The following IL15RA variants were observed in gnomAD, a reference collection of about 807,000 sequenced individuals.
IL15RA encodes the protein interleukin-15 receptor subunit alpha.
In IL15RA, 26 loss-of-function variants were observed where a neutral mutation model predicts 24.2. That is an observed-to-expected ratio of 1.07 (90% confidence interval 0.79 to 1.49). The LOEUF is 1.49. Ranked by LOEUF, IL15RA falls within the 40% of genes most tolerant of loss-of-function variation. The pLI, the probability that IL15RA is intolerant of heterozygous loss-of-function variation, is 0.00. For synonymous variants in IL15RA, 166 were observed against 157.6 expected (o/e 1.05, Z -0.40); for missense variants, 354 against 356.4 (o/e 0.99, Z 0.05).
At chr10:5,969,062 C>G in intron 1 of IL15RA, 10 of 1,166,210 alleles carry the variant, frequency 8.6e-6, no homozygotes, top group Non-Finnish European at 1.2e-5. Flanking sequence ...CCAATCGATT[C>G]CATCGATCTA....
rs1165082347 is a variant in IL15RA, at chr10:5,971,334, A to G, written c.89-4995T>C. ...CTGAAGTAGCCAAAAAACATATACA[A>G]CAAGTCCTAACGATCATTTAAATGA... On this transcript the variant is annotated intron_variant, in intron 1 of 6. Transcript: ENST00000379977. This position sits in a 1 kb window ranked among gnomAD's most constrained non-coding sequence, Gnocchi z 5.5. Among the ~76,000 whole-genome samples, 1 of 152,244 alleles carries G rather than the reference A, an allele frequency of 6.6e-6. No individual in the cohort carries two copies. Among genetic ancestry groups the G allele is most frequent in the Non-Finnish European group, 1.5e-5 (1 of 68,048 alleles).
chr10:5,960,311 G>T lies in IL15RA; in HGVS notation c.583+56C>A. 1.4e-6 allele frequency: 2 copies of T among 1,467,218 alleles called. No individual in the cohort carries two copies. Among genetic ancestry groups the T allele is most frequent in the Non-Finnish European group, 1.9e-6 (2 of 1,047,468 alleles). The allele number at this position is 1,467,218 out of a possible 1,614,324, so 90.9% of individuals were successfully genotyped here. ...CTGCCTTGTGCCGGATCTCAGCCCC[G>T]ATCTCAGAAGCAGCAATGGGGAACT... On this transcript the variant is annotated intron_variant, in intron 4 of 6. Transcript: ENST00000379977. This position sits in a 1 kb window ranked among gnomAD's most constrained non-coding sequence, Gnocchi z 5.1.
chr10:5,967,808 G>A lies in IL15RA; in HGVS notation c.89-1469C>T, dbSNP rs977929434. On this transcript the variant is annotated intron_variant, in intron 1 of 6. Transcript: ENST00000379977. This position sits in a 1 kb window ranked among gnomAD's most constrained non-coding sequence, Gnocchi z 4.4. ...GTGCGGTAGCTCACGCCTGTAATCC[G>A]AGGACTTTGGGAGGCTGAGGCAGGC... is the stretch of plus-strand genomic sequence containing the variant. Among the ~76,000 whole-genome samples, 16 of 152,070 alleles carry A rather than the reference G, an allele frequency of 1.1e-4. No individual in the cohort carries two copies. The highest frequency in any genetic ancestry group is 2.1e-4 in the Non-Finnish European group (14 of 67,992).
Position 5,953,185 on chromosome 10 carries a change from G to A in IL15RA, c.714C>T (p.Ser238=), listed in dbSNP as rs770747669. 6.2e-7 allele frequency: 1 copy of A among 1,614,112 alleles called. No homozygotes were observed. The highest frequency in any genetic ancestry group is 8.5e-7 in the Non-Finnish European group (1 of 1,179,940). The change falls in exon 7 of 7, where the codon AGC becomes AGT. Residue 238 remains serine (S), a synonymous_variant. Coordinates refer to ENST00000379977, the MANE Select transcript of IL15RA (RefSeq NM_002189.4). The surrounding 1 kb of genome is among the most constrained non-coding windows in gnomAD (Gnocchi z 5.3). ...LKSRQTPPLA[S]VEMEAMEALP... Reference sequence around the variant, plus strand: ...GAGCCTCCATGGCTTCCATTTCAACGCTGGCCAGCGGGGGAGTTTGCCTGC... The same window carrying A: ...GAGCCTCCATGGCTTCCATTTCAACACTGGCCAGCGGGGGAGTTTGCCTGC...
At chr10:5,949,953 A>G (rs995573650), downstream of IL15RA, among the ~76,000 whole-genome samples, 2 of 152,064 alleles carry the variant, frequency 1.3e-5, no homozygotes, top group East Asian at 1.9e-4. The surrounding 1 kb of genome is among the most constrained non-coding windows in gnomAD (Gnocchi z 4.4). Context: ...AAAATTAGCC[A>G]GGTGTGGTGG....
At chr10:5,950,106 T>G (rs1014750694), downstream of IL15RA, among the ~76,000 whole-genome samples, 4 of 134,900 alleles carry the variant, frequency 3.0e-5, no homozygotes, top group African/African-American at 8.6e-5. This position sits in a 1 kb window ranked among gnomAD's most constrained non-coding sequence, Gnocchi z 5.6. Context: ...AAAAAAAAAG[T>G]CTTATTTCTT....
rs763575894 is a variant in IL15RA at position 5,960,538 on chromosome 10, T to C, written c.412A>G (p.Asn138Asp). The C allele has an allele frequency of 9.3e-6, 15 of 1,614,124 alleles. 1 individual carries two copies. In the South Asian group the frequency reaches 1.6e-4, roughly 18 times the overall value. Residue 138 changes from asparagine to aspartate, a missense_variant, in exon 4 of 7, where the codon AAC (asparagine) becomes GAC (aspartate). Physicochemically the swap from Asn to Asp is conservative, Grantham distance 23 (BLOSUM62 1). Transcript: ENST00000379977. This position sits in a 1 kb window ranked among gnomAD's most constrained non-coding sequence, Gnocchi z 5.1. ...EPAASSPSSNNTAATTAAIVP... is the reference protein window; with the variant it reads ...EPAASSPSSNDTAATTAAIVP... ...ATAGCTGCTGTTGTGGCCGCTGTGTTGTTTGAGCTGGGAGATGAAGCTGCG... is the reference window on the plus strand; with the variant it reads ...ATAGCTGCTGTTGTGGCCGCTGTGTCGTTTGAGCTGGGAGATGAAGCTGCG...
Position 5,956,400 on chromosome 10 carries a change from A to G in IL15RA, c.671T>C (p.Leu224Pro). The stretch of plus-strand genomic sequence containing the variant: ...TCACCTTGACTTGAGGTAGCATGCC[A>G]GGAGAGACACAGCGCTCAGCCCACA... ...LLCGLSAVSLLACYLKSRQTP... is the reference protein window; with the variant it reads ...LLCGLSAVSLPACYLKSRQTP... The change falls in exon 6 of 7, where the codon CTG (leucine) becomes CCG (proline). Residue 224 changes from leucine to proline, a missense_variant. Coordinates refer to ENST00000379977, the MANE Select transcript of IL15RA (RefSeq NM_002189.4). 1.2e-6 allele frequency: 2 copies of G among 1,613,992 alleles called. No homozygotes were observed. The highest frequency in any genetic ancestry group is 1.7e-6 in the Non-Finnish European group (2 of 1,179,868).
downstream of IL15RA, chr10:5,949,020 G>A (rs1408008323): frequency 3.0e-6 from 1 of 335,974 alleles, no homozygotes; most frequent in Non-Finnish European, 6.0e-6. The surrounding 1 kb of genome is among the most constrained non-coding windows in gnomAD (Gnocchi z 4.4). Flanking sequence ...AAATGGCGCT[G>A]AGATGAGTTT....
Position 5,960,486 on chromosome 10 carries a change from G to A in IL15RA, c.464C>T (p.Ser155Leu). The change falls in exon 4 of 7, where the codon TCA (serine) becomes TTA (leucine). Residue 155 changes from serine to leucine, a missense_variant. By Grantham distance (145) the Ser-to-Leu change is moderately radical (BLOSUM62 -2). Transcript: ENST00000379977. The surrounding 1 kb of genome is among the most constrained non-coding windows in gnomAD (Gnocchi z 5.1). ...AIVPGSQLMP[S>L]KSPSTGTTEI... Reference sequence around the variant, plus strand: ...TGTGGTTCCTGTGGAAGGTGATTTTGAAGGCATCAGCTGGGAGCCCGGGAC... The same window carrying A: ...TGTGGTTCCTGTGGAAGGTGATTTTAAAGGCATCAGCTGGGAGCCCGGGAC... 1 of 1,614,184 alleles carries A rather than the reference G, an allele frequency of 6.2e-7. No individual in the cohort carries two copies.
Position 5,953,814 on chromosome 10 carries a change from C to T in IL15RA, c.693-608G>A, listed in dbSNP as rs1371670664. 2.4e-5 allele frequency: 4 copies of T among 165,120 alleles called. No homozygotes were observed. The highest frequency in any genetic ancestry group is 5.7e-5 in the Admixed American group (1 of 17,566). The allele number at this position is 165,120 out of a possible 1,614,324, so 10.2% of individuals were successfully genotyped here. A position where few individuals can be genotyped will look rare whatever the true frequency, so the allele number is the denominator to read the frequency against. On this transcript the variant is annotated intron_variant, in intron 6 of 6. Coordinates refer to ENST00000379977, the MANE Select transcript of IL15RA (RefSeq NM_002189.4). This position sits in a 1 kb window ranked among gnomAD's most constrained non-coding sequence, Gnocchi z 5.3. ...AGAAATACACAAATCAATCAGCTCC[C>T]GAATGACAAGCACAGGCGAGGCAGG...
upstream of IL15RA, among the ~76,000 whole-genome samples, chr10:5,978,391 G>C (rs767951): frequency 1.3e-5 from 2 of 152,280 alleles, no homozygotes; most frequent in African/African-American, 4.8e-5. The surrounding 1 kb of genome is among the most constrained non-coding windows in gnomAD (Gnocchi z 5.2). Flanking sequence ...CCCAAGTGCA[G>C]ATTCTCAGGT....
intron 1 of IL15RA, among the ~76,000 whole-genome samples, chr10:5,976,285 A>AGGGGGGGGGGGG (rs1564525046): frequency 6.9e-6 from 1 of 144,152 alleles, no homozygotes; most frequent in Non-Finnish European, 1.5e-5. Flanking sequence ...TGGGGGTGGC[A>AGGGGGGGGGGGG]GAGGGTGGGG....
In IL15RA at chr10:5,961,061, T is replaced by C. The variant is rs1470507488; in HGVS notation, c.383-494A>G. 6.6e-6 allele frequency among the ~76,000 whole-genome samples: 1 copy of C among 152,090 alleles called. No homozygotes were observed. Among genetic ancestry groups the C allele is most frequent in the Non-Finnish European group, 1.5e-5 (1 of 68,006 alleles). ...TCCCAAGTAGCTGGAATTACAGGTG[T>C]CCACCACCACGCCCAGCTAATTTTT... On this transcript the variant is annotated intron_variant, in intron 3 of 6. Coordinates refer to ENST00000379977, the MANE Select transcript of IL15RA (RefSeq NM_002189.4). The surrounding 1 kb of genome is among the most constrained non-coding windows in gnomAD (Gnocchi z 5.2).
intron 5 of IL15RA, among the ~76,000 whole-genome samples, chr10:5,957,516 C>T (rs529246577): frequency 5.3e-5 from 8 of 151,676 alleles, no homozygotes; most frequent in Middle Eastern, 3.4e-3. Context: ...CCTCGTGATC[C>T]GCCTGCCTTA....
In IL15RA at chr10:5,961,753, G is replaced by A. The variant is rs8177783; in HGVS notation, c.383-1186C>T. ...GTGCTGTTCCCTCTCCATGAAAAAT[G>A]TGTCTTCCATTGTGACAGCCACGGA... On this transcript the variant is annotated intron_variant, in intron 3 of 6. Coordinates refer to ENST00000379977, the MANE Select transcript of IL15RA (RefSeq NM_002189.4). This position sits in a 1 kb window ranked among gnomAD's most constrained non-coding sequence, Gnocchi z 5.2. Among the ~76,000 whole-genome samples the A allele has an allele frequency of 0.015, 2,209 of 152,328 alleles. 46 individuals are homozygous for A. Among genetic ancestry groups the A allele is most frequent in the East Asian group, 0.077 (397 of 5,176 alleles).
intron 1 of IL15RA, among the ~76,000 whole-genome samples, chr10:5,976,649 G>A (rs1175021663): frequency 6.6e-6 from 1 of 152,018 alleles, no homozygotes; most frequent in African/African-American, 2.4e-5. Context: ...CTGGCTGCCG[G>A]GACAAAACCC....
chr10:5,959,738 A>G lies in IL15RA; in HGVS notation c.616+16T>C, dbSNP rs780252794. 4 of 1,612,840 alleles carry G rather than the reference A, an allele frequency of 2.5e-6. No individual in the cohort carries two copies. The African/African-American group carries it at 4.0e-5, about 16-fold the overall frequency. On this transcript the variant is annotated intron_variant, in intron 5 of 6. Transcript: ENST00000379977. The surrounding 1 kb of genome is among the most constrained non-coding windows in gnomAD (Gnocchi z 4.1). ...CACCCTGATCATAAACATACCGGAC[A>G]AAGGGACACACTTACCAGTGGTGTC...
Position 5,960,216 on chromosome 10 carries a change from G to A in IL15RA, c.583+151C>T. ...GCCACGGAGAAAGAGGTCAGGCCAGGACGCCGTGGCTGGTGGCCGGGGCCA... is the reference window on the plus strand; with the variant it reads ...GCCACGGAGAAAGAGGTCAGGCCAGAACGCCGTGGCTGGTGGCCGGGGCCA... On this transcript the variant is annotated intron_variant, in intron 4 of 6. Transcript: ENST00000379977. The surrounding 1 kb of genome is among the most constrained non-coding windows in gnomAD (Gnocchi z 5.1). 1.4e-6 allele frequency: 1 copy of A among 740,622 alleles called. No homozygotes were observed. The highest frequency in any genetic ancestry group is 2.3e-6 in the Non-Finnish European group (1 of 433,876). The allele number at this position is 740,622 out of a possible 1,614,324, so 45.9% of individuals were successfully genotyped here.
Sources: gnomAD v4.1 joint callset for allele counts (sites outside exome capture counted in the v4.1 genomes callset) on GRCh38, gnomAD v4.1.1 for gene constraint, Gnocchi (gnomAD v3.1) non-coding constraint, MANE v1.5 for transcripts, NCBI Gene and HGNC (gene_info 2026-07-23, HGNC 2026-07-21) for gene names.